The following THSD4 variants were observed in gnomAD, a reference collection of about 807,000 sequenced individuals.
THSD4 encodes thrombospondin type-1 domain-containing protein 4.
Under a neutral mutation model 119.0 loss-of-function variants are expected in THSD4, and 69 were observed. The ratio of observed to expected loss-of-function variants is 0.58; its 90% confidence interval spans 0.48 to 0.71. The LOEUF is 0.71. Ranked by LOEUF, THSD4 falls within the 30% of genes least tolerant of loss-of-function variation. The pLI, the probability that THSD4 is intolerant of heterozygous loss-of-function variation, is 0.00. For missense variants in THSD4, 1,393 were observed against 1,391.1 expected (o/e 1.00, Z -0.02); for synonymous variants, 524 against 540.4 (o/e 0.97, Z 0.42).
In THSD4 at chr15:71,483,433, TCA is replaced by T. The variant is rs769430469; in HGVS notation, c.1152+71611_1152+71612del. Among the ~76,000 whole-genome samples, 10 of 152,298 alleles carry T rather than the reference TCA, an allele frequency of 6.6e-5. No individual in the cohort carries two copies. The East Asian group carries it at 1.3e-3, about 21-fold the overall frequency. On this transcript the variant is annotated intron_variant, in intron 7 of 17. Coordinates refer to ENST00000261862, the MANE Select transcript of THSD4 (RefSeq NM_024817.3). ...TTGGTTTTTGTTTGGACATTTTATTTCAGGGAGAATGATGTTCTAAAACTTGA... is the reference window on the plus strand; with the variant it reads ...TTGGTTTTTGTTTGGACATTTTATTTGGGAGAATGATGTTCTAAAACTTGA...
chr15:71,778,155 A>G lies in THSD4; in HGVS notation c.*781A>G, dbSNP rs1567149161. 1 of 152,198 alleles carries G rather than the reference A, an allele frequency of 6.6e-6. No individual in the cohort carries two copies. Among genetic ancestry groups the G allele is most frequent in the Non-Finnish European group, 1.5e-5 (1 of 68,070 alleles). 9.4% of individuals were successfully genotyped at this position (152,198 alleles called of 1,614,324 possible). On this transcript the variant is annotated 3_prime_UTR_variant, in exon 18 of 18. Transcript: ENST00000261862. ...TATCCAGCCTGGGGCCTGTACTTAG[A>G]TGTGAAAGGTGCTGCTTCATTTCTG...
At chr15:71,123,949 CT>C (rs1329487649) in intron 1 of THSD4, among the ~76,000 whole-genome samples, 1 of 152,220 alleles carries the variant, frequency 6.6e-6, no homozygotes, top group East Asian at 1.9e-4. Context: ...CGCACTCTCT[CT>C]CACATTGCAC....
At chr15:71,427,635 T>A (rs1372397039) in intron 7 of THSD4, among the ~76,000 whole-genome samples, 1 of 148,814 alleles carries the variant, frequency 6.7e-6, no homozygotes, top group Admixed American at 6.8e-5. Context: ...GGATAGAAGT[T>A]GAGGTGACCA....
chr15:71,194,127 C>T (rs915892723), intron 3 of THSD4, among the ~76,000 whole-genome samples: 1 of 152,208 alleles, frequency 6.6e-6, no homozygotes, highest in African/African-American at 2.4e-5. Context: ...GCCTTCCCAG[C>T]CACGTGGTAC....
chr15:71,588,537 C>A (rs958991022), intron 7 of THSD4, among the ~76,000 whole-genome samples: 1 of 152,074 alleles, frequency 6.6e-6, no homozygotes, highest in Non-Finnish European at 1.5e-5. Context: ...GATCCTCCTG[C>A]CTCAGCCTCC....
At chr15:71,105,211 T>A (rs2040269603) in intron 1 of THSD4, among the ~76,000 whole-genome samples, 1 of 152,180 alleles carries the variant, frequency 6.6e-6, no homozygotes, top group Non-Finnish European at 1.5e-5. Flanking sequence ...CTCTAGTACT[T>A]TTGACCAACC....
At chr15:71,225,254 C>T (rs1400042356) in intron 4 of THSD4, among the ~76,000 whole-genome samples, 1 of 152,056 alleles carries the variant, frequency 6.6e-6, no homozygotes, top group Admixed American at 6.6e-5. Flanking sequence ...ATGCCCAAGG[C>T]AGCCAGTATA....
At chr15:71,655,134 C>A (rs2051164593) in intron 7 of THSD4, among the ~76,000 whole-genome samples, 1 of 152,204 alleles carries the variant, frequency 6.6e-6, no homozygotes, top group African/African-American at 2.4e-5. Flanking sequence ...ATACAAAGGA[C>A]ATCTGATGGT....
chr15:71,591,424 G>A (rs577257867), intron 7 of THSD4, among the ~76,000 whole-genome samples: 28 of 152,238 alleles, frequency 1.8e-4, no homozygotes, highest in Admixed American at 4.6e-4. Context: ...GATTTTGATC[G>A]CTCAGACAGC....
rs935650007 is a variant in THSD4, at chr15:71,748,588, C to A, written c.2409C>A (p.Ser803Arg). The change falls in exon 14 of 18, where the codon AGC becomes AGA. Residue 803 changes from serine to arginine, a missense_variant. Ser to Arg is a moderately radical substitution (Grantham distance 110). Transcript: ENST00000261862. ...AGAGCTGGTTCCTCACCGAGTGGAGCGAAAGGGTGAGTGTGATGGCGGGCA... is the reference window on the plus strand; with the variant it reads ...AGAGCTGGTTCCTCACCGAGTGGAGAGAAAGGGTGAGTGTGATGGCGGGCA... ...CAKSWFLTEW[S>R]ERCSAECGAG... The A allele has an allele frequency of 6.2e-7, 1 of 1,613,916 alleles. No homozygotes were observed. Among genetic ancestry groups the A allele is most frequent in the East Asian group, 2.2e-5 (1 of 44,874 alleles).
At chr15:71,188,134 C>T (rs780402720) in intron 3 of THSD4, among the ~76,000 whole-genome samples, 5 of 152,178 alleles carry the variant, frequency 3.3e-5, no homozygotes, top group East Asian at 1.9e-4. Context: ...AAGGTAAATA[C>T]GGTAATTTCA....
intron 7 of THSD4, among the ~76,000 whole-genome samples, chr15:71,568,852 G>T (rs2049294487): frequency 6.6e-6 from 1 of 151,892 alleles, no homozygotes; most frequent in South Asian, 2.1e-4. Flanking sequence ...TTGGTTTTTT[G>T]TCCTTGCTAT....
At chr15:71,735,096 A>T (rs2053056886) in intron 10 of THSD4, among the ~76,000 whole-genome samples, 1 of 152,220 alleles carries the variant, frequency 6.6e-6, no homozygotes, top group South Asian at 2.1e-4. Context: ...ACACACACAC[A>T]GACACACACA....
intron 15 of THSD4, among the ~76,000 whole-genome samples, chr15:71,762,804 C>G (rs1026169471): frequency 6.6e-6 from 1 of 152,158 alleles, no homozygotes; most frequent in Non-Finnish European, 1.5e-5. Flanking sequence ...CACAGTGGCT[C>G]ACGCCTATAA....
At chr15:71,682,572 C>CTTT (rs33972227) in intron 8 of THSD4, among the ~76,000 whole-genome samples, 1 of 141,808 alleles carries the variant, frequency 7.1e-6, no homozygotes, top group African/African-American at 2.6e-5. Context: ...TTGTATCTGG[C>CTTT]TTTTTTTTTT....
At chr15:71,341,677 C>A in intron 6 of THSD4, 1 of 1,454,506 alleles carries the variant, frequency 6.9e-7, no homozygotes, top group Non-Finnish European at 9.7e-7. Context: ...TGCCTGATTT[C>A]GTGGGGTTCT....
At chr15:71,575,034 C>T (rs371218797) in intron 7 of THSD4, among the ~76,000 whole-genome samples, 4 of 152,068 alleles carry the variant, frequency 2.6e-5, no homozygotes, top group South Asian at 2.1e-4. Flanking sequence ...TATAGGAAAC[C>T]GAACTCATGC....
At chr15:71,638,778 A>G (rs1439257963) in intron 7 of THSD4, among the ~76,000 whole-genome samples, 1 of 152,210 alleles carries the variant, frequency 6.6e-6, no homozygotes, top group Admixed American at 6.5e-5. Flanking sequence ...GAAGTTCTGC[A>G]CCAATCAGAA....
At chr15:71,234,749 C>A (rs2140267487) in intron 4 of THSD4, among the ~76,000 whole-genome samples, 1 of 152,310 alleles carries the variant, frequency 6.6e-6, no homozygotes, top group South Asian at 2.1e-4. Context: ...TTTAAAGAAA[C>A]CTTTTCCCTC....
Sources: gnomAD v4.1 joint callset for allele counts (sites outside exome capture counted in the v4.1 genomes callset) on GRCh38, gnomAD v4.1.1 for gene constraint, MANE v1.5 for transcripts, NCBI Gene and HGNC (gene_info 2026-07-23, HGNC 2026-07-21) for gene names.